Variants in NINL observed in about 807,000 individuals in gnomAD.
NINL encodes ninein-like protein.
In NINL, 153 loss-of-function variants were observed where a neutral mutation model predicts 160.3. The ratio of observed to expected loss-of-function variants is 0.95; its 90% CI spans 0.84 to 1.09. The LOEUF is 1.09. Among genes scored for constraint, NINL ranks in the 50% least tolerant of loss-of-function variants. NINL has a pLI of 0.00. For synonymous variants in NINL, 800 were observed against 734.8 expected, an observed-to-expected ratio of 1.09 and a Z score of -1.43; for missense variants, 1,829 against 1,764.0, an observed-to-expected ratio of 1.04 and a Z score of -0.66.
At chr20:25,495,339 G>T (rs1409042011) in intron 10 of NINL, among the ~76,000 whole-genome samples, 1 of 152,182 alleles carries the variant, frequency 6.6e-6, no homozygotes, top group Admixed American at 6.5e-5. Context: ...CAAGCAAACC[G>T]CCCGCATCCC....
Position 25,499,434 on chromosome 20 carries a change from A to G in NINL, c.1033-1088T>C, listed in dbSNP as rs2063823922. Among the ~76,000 whole-genome samples the G allele has an allele frequency of 2.0e-5, 3 of 152,192 alleles. No homozygotes were observed. The South Asian group carries it at 6.2e-4, about 32-fold the overall frequency. On this transcript the variant is annotated intron_variant, in intron 8 of 23. Coordinates refer to ENST00000278886, the MANE Select transcript of NINL (RefSeq NM_025176.6). ...CAAATGGGAAAGAGAATAAGTTCTG[A>G]AAGGGCAGAGGCAACATGCACTCAT...
chr20:25,501,127 A>C, intron 7 of NINL, 117 bp from the exon 8 acceptor site: 175 of 1,323,144 alleles, frequency 1.3e-4, no homozygotes, highest in Non-Finnish European at 1.7e-4. Flanking sequence ...GGAACAGCTC[A>C]TGAGACCATC....
chr20:25,505,023 G>C lies in NINL; in HGVS notation c.573C>G (p.Ser191Arg), dbSNP rs34585177. The C allele has an allele frequency of 7.6e-4, 1,231 of 1,612,708 alleles. 7 individuals are homozygous for C. The African/African-American group carries it at 0.015, about 20-fold the overall frequency. The change falls in exon 6 of 24, where the codon AGC becomes AGG. Residue 191 changes from serine to arginine, a missense_variant. Physicochemically the swap from Ser to Arg is moderately radical, Grantham distance 110 (BLOSUM62 -1). Coordinates refer to ENST00000278886, the MANE Select transcript of NINL (RefSeq NM_025176.6). ...GGCTCTCTGGGGTGTCAAAGGAGGG[G>C]CTGCAGGACTTCTGGGGGCTCCCAA... The part of the protein sequence containing the change: ...EDFGSPQKSC[S>R]PSFDTPESQI...
rs1568869726 is a variant in NINL at position 25,476,444 on chromosome 20, G to A, written c.2847C>T (p.Asp949=). The A allele has an allele frequency of 1.2e-6, 2 of 1,608,546 alleles. No homozygotes were observed. The highest frequency in any genetic ancestry group is 1.7e-6 in the Non-Finnish European group (2 of 1,179,788). ...RELPLLGTER[D]ASQTQPRMWE... is the part of the protein sequence containing the mutation. ...ACATCCGTGGCTGGGTTTGCGAGGC[G>A]TCTCTCTCTGTTCCCAGCAGAGGCA... Residue 949 remains aspartate (D), a synonymous_variant, in exon 17 of 24, where the codon GAC becomes GAT. Transcript: ENST00000278886.
chr20:25,488,364 T>G (rs1642128745), intron 13 of NINL, among the ~76,000 whole-genome samples: 1 of 152,166 alleles, frequency 6.6e-6, no homozygotes, highest in Admixed American at 6.5e-5. Flanking sequence ...TAGCTGGGAC[T>G]ACAGGCGTGC....
intron 19 of NINL, 196 bp from the exon 20 acceptor site, chr20:25,462,737 C>G (rs2062823050): frequency 2.0e-6 from 1 of 504,116 alleles, no homozygotes. Flanking sequence ...TCACTGCAGC[C>G]GTGACCTCCT....
At chr20:25,558,678 G>A (rs1297911022) in intron 1 of NINL, among the ~76,000 whole-genome samples, 1 of 152,202 alleles carries the variant, frequency 6.6e-6, no homozygotes, top group Non-Finnish European at 1.5e-5. Flanking sequence ...CAGTCAGGTT[G>A]TTCTTTGCTC....
chr20:25,501,016 T>C lies in NINL; in HGVS notation c.862-6A>G. ...CAGCCGCTCTCCTCTGGGACCTGCA[T>C]GTCAGGAAGACTTCCATAGCGCCCA... On this transcript the variant is annotated splice_polypyrimidine_tract_variant and splice_region_variant and intron_variant, in intron 7 of 23. Transcript: ENST00000278886. The C allele has an allele frequency of 1.2e-6, 2 of 1,613,402 alleles. No homozygotes were observed. Among genetic ancestry groups the C allele is most frequent in the South Asian group, 1.1e-5 (1 of 90,906 alleles).
chr20:25,510,823 G>A, intron 4 of NINL, 83 bp from the exon 5 acceptor site: 1 of 1,035,636 alleles, frequency 9.7e-7, no homozygotes. Context: ...AGAGCAGGAT[G>A]TTTGGGGAAG....
At chr20:25,462,350 C>T in intron 20 of NINL, 33 bp downstream of exon 20, 1 of 1,583,790 alleles carries the variant, frequency 6.3e-7, no homozygotes, top group East Asian at 2.3e-5. Context: ...CTCCCAGCCT[C>T]CAGCTCAGCT....
At position 25,526,539 on chromosome 20, in the gene NINL, T is replaced by C. The variant is rs200233667; in HGVS notation, c.49A>G (p.Ser17Gly). 1 of 1,614,224 alleles carries C rather than the reference T, an allele frequency of 6.2e-7. No individual in the cohort carries two copies. The highest frequency in any genetic ancestry group is 2.2e-5 in the East Asian group (1 of 44,884). The change falls in exon 2 of 24, where the codon AGC becomes GGC. Residue 17 changes from serine to glycine, a missense_variant. Ser to Gly is a moderately conservative substitution (Grantham distance 56, BLOSUM62 0). Transcript: ENST00000278886. Reference sequence around the variant, plus strand: ...CCAGTCCCCGTGGTGTCGCAGCTGCTGTAGACTTCCCTGAGCTGCGAGACA... The same window carrying C: ...CCAGTCCCCGTGGTGTCGCAGCTGCCGTAGACTTCCCTGAGCTGCGAGACA... ...HYVSQLREVY[S>G]SCDTTGTGFL...
At chr20:25,468,809 G>A (rs1272085656) in intron 18 of NINL, among the ~76,000 whole-genome samples, 1 of 138,870 alleles carries the variant, frequency 7.2e-6, no homozygotes, top group Non-Finnish European at 1.6e-5. Context: ...TCTCACTGGT[G>A]GGCACCCCCC....
chr20:25,454,205 T>C (rs547837572), intron 23 of NINL, among the ~76,000 whole-genome samples: 2 of 152,310 alleles, frequency 1.3e-5, no homozygotes, highest in South Asian at 4.1e-4. Flanking sequence ...CAGGCAAAAG[T>C]GGCCAGTCCT....
intron 1 of NINL, among the ~76,000 whole-genome samples, chr20:25,570,085 C>T (rs1052011293): frequency 2.0e-5 from 3 of 151,204 alleles, no homozygotes; most frequent in African/African-American, 7.3e-5. Context: ...GAGGCTGAGG[C>T]AGGAGAATCG....
intron 2 of NINL, among the ~76,000 whole-genome samples, chr20:25,523,135 T>C (rs2146944423): frequency 6.6e-6 from 1 of 152,322 alleles, no homozygotes; most frequent in East Asian, 1.9e-4. Context: ...TAAATAGTTT[T>C]AGGCTGCATT....
At chr20:25,465,470 C>T (rs767892382) in intron 19 of NINL, among the ~76,000 whole-genome samples, 4 of 152,116 alleles carry the variant, frequency 2.6e-5, no homozygotes, top group Admixed American at 1.3e-4. Context: ...GGGAGCCATG[C>T]GCCTCCCACC....
chr20:25,539,786 C>T (rs1422609635), intron 1 of NINL, among the ~76,000 whole-genome samples: 1 of 152,254 alleles, frequency 6.6e-6, no homozygotes, highest in African/African-American at 2.4e-5. Context: ...TCTGTTTAGA[C>T]TCCCCAAAGC....
rs2063589164 is a variant in NINL, at chr20:25,489,973, G to T, written c.1498C>A (p.Leu500Ile). Residue 500 changes from leucine to isoleucine, a missense_variant, in exon 12 of 24, where the codon CTA becomes ATA. Transcript: ENST00000278886. Reference protein sequence around the residue: ...LTLALKENSRLQKEIVEVVEK... With the variant: ...LTLALKENSRIQKEIVEVVEK... ...ACCACTTCCACAATCTCCTTCTGTA[G>T]GCGACTGTTTTCCTAGGAGACACAG... 3.1e-6 allele frequency: 5 copies of T among 1,614,128 alleles called. No homozygotes were observed. The highest frequency in any genetic ancestry group is 4.2e-6 in the Non-Finnish European group (5 of 1,180,010).
At chr20:25,579,357 A>G (rs1225360038) in intron 1 of NINL, among the ~76,000 whole-genome samples, 1 of 152,212 alleles carries the variant, frequency 6.6e-6, no homozygotes. Context: ...AATTTAACAA[A>G]AACACTGAGA....
Sources: gnomAD v4.1 joint callset for allele counts (sites outside exome capture counted in the v4.1 genomes callset) on GRCh38, gnomAD v4.1.1 for gene constraint, MANE v1.5 for transcripts, NCBI Gene and HGNC (gene_info 2026-07-23, HGNC 2026-07-21) for gene names.